The following PPP1R1C variants were observed in gnomAD, a reference collection of about 807,000 sequenced individuals.
PPP1R1C encodes the protein protein phosphatase 1 regulatory subunit 1C.
A neutral mutation model predicts 17.4 loss-of-function variants in PPP1R1C; 15 were observed. That is an observed-to-expected ratio of 0.86 (90% CI 0.58 to 1.33). PPP1R1C has a LOEUF of 1.33. Among genes scored for constraint, PPP1R1C ranks in the 40% most tolerant of loss-of-function variants. PPP1R1C has a pLI of 0.00. For missense variants in PPP1R1C, 143 were observed against 130.0 expected, an observed-to-expected ratio of 1.10 and a Z score of -0.48; for synonymous variants, 35 against 43.1, an observed-to-expected ratio of 0.81 and a Z score of 0.73.
chr2:181,997,201 C>A (rs1422898453), intron 2 of PPP1R1C, among the ~76,000 whole-genome samples: 1 of 149,508 alleles, frequency 6.7e-6, no homozygotes, highest in East Asian at 1.9e-4. Context: ...TGCACTCCAG[C>A]CTGGGCGACA....
intron 2 of PPP1R1C, among the ~76,000 whole-genome samples, chr2:182,052,536 G>A (rs900374281): frequency 3.9e-5 from 6 of 151,962 alleles, no homozygotes; most frequent in Non-Finnish European, 7.4e-5. Context: ...ATTCGATTTC[G>A]GTGAATTCTA....
chr2:182,038,466 T>C (rs562406221), intron 2 of PPP1R1C, among the ~76,000 whole-genome samples: 163 of 152,294 alleles, frequency 1.1e-3, no homozygotes, highest in Middle Eastern at 3.4e-3. Flanking sequence ...TGATATTTTT[T>C]ATTGACGACT....
chr2:182,029,026 G>A (rs1184412848), intron 2 of PPP1R1C, among the ~76,000 whole-genome samples: 5 of 142,638 alleles, frequency 3.5e-5, no homozygotes, highest in Non-Finnish European at 7.6e-5. Context: ...CAGAGACTAG[G>A]ATTGCAACCC....
chr2:182,105,316 A>C (rs998446603), intron 4 of PPP1R1C, among the ~76,000 whole-genome samples: 1 of 152,222 alleles, frequency 6.6e-6, no homozygotes, highest in African/African-American at 2.4e-5. Context: ...TTTTCAGGAA[A>C]TGTTGAAGCC....
chr2:182,124,328 T>TTTTTTTTTTTTTTTTTTTTG (rs1689817983), intron 5 of PPP1R1C, among the ~76,000 whole-genome samples: 3 of 55,590 alleles, frequency 5.4e-5, no homozygotes, highest in South Asian at 4.9e-4. Context: ...TTTTTTTTTG[T>TTTTTTTTTTTTTTTTTTTTG]TTTTTTTTTT....
chr2:182,005,754 G>A (rs1028388393), intron 2 of PPP1R1C, among the ~76,000 whole-genome samples: 4 of 152,018 alleles, frequency 2.6e-5, no homozygotes, highest in African/African-American at 9.7e-5. Flanking sequence ...TATATTGCTT[G>A]CCAGGTAGTG....
chr2:182,117,949 T>C (rs563357938), downstream of PPP1R1C: 1 of 152,282 alleles, frequency 6.6e-6, no homozygotes, highest in Non-Finnish European at 1.5e-5. Context: ...GCAAGATATA[T>C]ATTTCCCAGC....
chr2:182,056,299 T>G (rs1040785280), intron 2 of PPP1R1C, among the ~76,000 whole-genome samples: 20 of 152,336 alleles, frequency 1.3e-4, no homozygotes, highest in Admixed American at 2.6e-4. Context: ...TCTAAAGACT[T>G]TCAGGCCCCA....
Position 181,992,317 on chromosome 2 carries a change from C to A in PPP1R1C, c.142+4418C>A. 1.5e-5 allele frequency among the ~76,000 whole-genome samples: 2 copies of A among 134,710 alleles called. 1 individual carries two copies. The allele number at this position is 134,710 out of a possible 152,430, so 88.4% of individuals were successfully genotyped here. A position where few individuals can be genotyped will look rare whatever the true frequency, so the allele number is the denominator to read the frequency against. Reference sequence around the variant, plus strand: ...TCTGCAATAAAAAGTCATTTTCTCACCTTTTAAAAAATATGAATGAATGAT... The same window carrying A: ...TCTGCAATAAAAAGTCATTTTCTCAACTTTTAAAAAATATGAATGAATGAT... On this transcript the variant is annotated intron_variant, in intron 2 of 4. Transcript: ENST00000682840.
intron 2 of PPP1R1C, among the ~76,000 whole-genome samples, chr2:182,053,777 A>G (rs928490845): frequency 6.9e-6 from 1 of 145,954 alleles, no homozygotes; most frequent in Non-Finnish European, 1.5e-5. Context: ...TTATTTATTT[A>G]TTTTATTTAT....
intron 2 of PPP1R1C, among the ~76,000 whole-genome samples, chr2:182,013,188 G>A (rs780331483): frequency 1.3e-4 from 20 of 152,068 alleles, no homozygotes; most frequent in African/African-American, 2.2e-4. Context: ...AAGAACTTCC[G>A]TTAGCATTTC....
At chr2:182,095,447 C>T (rs897105544) in intron 4 of PPP1R1C, among the ~76,000 whole-genome samples, 3 of 152,158 alleles carry the variant, frequency 2.0e-5, no homozygotes, top group South Asian at 2.1e-4. Context: ...GCCATATGGT[C>T]GTCATTTACA....
At chr2:181,968,250 T>C (rs1684941444) in intron 1 of PPP1R1C, among the ~76,000 whole-genome samples, 1 of 152,238 alleles carries the variant, frequency 6.6e-6, no homozygotes, top group South Asian at 2.1e-4. Context: ...AGTTTCTTTG[T>C]TGATTTTCTG....
upstream of PPP1R1C, among the ~76,000 whole-genome samples, chr2:181,982,280 T>G (rs116134229): frequency 0.018 from 2,799 of 152,260 alleles, 32 homozygotes; most frequent in Non-Finnish European, 0.028. Context: ...TCTATGGTAT[T>G]TGGAGGCAGT....
intron 2 of PPP1R1C, among the ~76,000 whole-genome samples, chr2:182,058,741 T>C (rs1258268516): frequency 6.6e-6 from 1 of 152,156 alleles, no homozygotes; most frequent in African/African-American, 2.4e-5. Context: ...ATGTATGCTC[T>C]ACAGTGCTTT....
intron 4 of PPP1R1C, among the ~76,000 whole-genome samples, chr2:182,066,549 A>T (rs1574423744): frequency 6.6e-6 from 1 of 152,096 alleles, no homozygotes; most frequent in East Asian, 1.9e-4. Context: ...TTATTATATC[A>T]GGGTTCCATC....
At chr2:181,959,970 A>G (rs771417780) in intron 1 of PPP1R1C, among the ~76,000 whole-genome samples, 22 of 152,230 alleles carry the variant, frequency 1.4e-4, no homozygotes, top group Non-Finnish European at 2.6e-4. Flanking sequence ...TTAGGCTTTT[A>G]TTAGATGGCA....
At chr2:182,104,725 T>C (rs933946676) in intron 4 of PPP1R1C, among the ~76,000 whole-genome samples, 7 of 152,236 alleles carry the variant, frequency 4.6e-5, no homozygotes, top group Non-Finnish European at 1.0e-4. Context: ...AATTTTCTTT[T>C]CTTGTGGCAT....
chr2:182,024,321 A>G (rs1263238061), intron 2 of PPP1R1C, among the ~76,000 whole-genome samples: 1 of 152,224 alleles, frequency 6.6e-6, no homozygotes, highest in African/African-American at 2.4e-5. Context: ...ATCCCGAAAT[A>G]TAAGAATTAG....
Sources: allele counts gnomAD v4.1 joint callset (sites outside exome capture counted in the v4.1 genomes callset), GRCh38; gene constraint gnomAD v4.1.1; transcripts MANE v1.5; gene names NCBI Gene and HGNC (gene_info 2026-07-23, HGNC 2026-07-21).